FSIP1: variants seen among roughly 807,000 people sequenced by gnomAD.
FSIP1 encodes fibrous sheath interacting protein 1, also known as fibrous sheath-interacting protein 1.
Under a neutral mutation model 60.9 loss-of-function variants are expected in FSIP1, and 65 were observed. The observed-to-expected ratio is 1.07, with a 90% confidence interval of 0.87 to 1.31. The LOEUF is 1.31. Among genes scored for constraint, FSIP1 ranks in the 40% most tolerant of loss-of-function variants. The pLI is 0.00. For missense variants in FSIP1, 675 were observed against 665.5 expected, an observed-to-expected ratio of 1.01 and a Z score of -0.16; for synonymous variants, 209 against 221.2, an observed-to-expected ratio of 0.94 and a Z score of 0.49.
intron 5 of FSIP1, among the ~76,000 whole-genome samples, chr15:39,760,699 T>C (rs1897466388): frequency 6.6e-6 from 1 of 151,994 alleles, no homozygotes; most frequent in African/African-American, 2.4e-5. Flanking sequence ...GACAACGAAA[T>C]GTAACATGGG....
intron 9 of FSIP1, among the ~76,000 whole-genome samples, chr15:39,719,060 C>A (rs1323625107): frequency 6.6e-6 from 1 of 152,168 alleles, no homozygotes; most frequent in African/African-American, 2.4e-5. Context: ...CCTCCGATGG[C>A]ATAACCATAT....
At chr15:39,728,830 G>A (rs1033342465) in intron 8 of FSIP1, among the ~76,000 whole-genome samples, 3 of 152,126 alleles carry the variant, frequency 2.0e-5, no homozygotes, top group Admixed American at 2.0e-4. Context: ...ATTACAGAAT[G>A]GGAGAAAATA....
At chr15:39,603,890 G>A (rs78120737) in intron 11 of FSIP1, among the ~76,000 whole-genome samples, 2,409 of 152,194 alleles carry the variant, frequency 0.016, 80 homozygotes, top group African/African-American at 0.055. Flanking sequence ...AATCACCTGC[G>A]GGGTATCTTA....
At chr15:39,615,806 G>C (rs1385939922) in intron 11 of FSIP1, among the ~76,000 whole-genome samples, 1 of 151,394 alleles carries the variant, frequency 6.6e-6, no homozygotes, top group Non-Finnish European at 1.5e-5. Context: ...GATGAAGAGG[G>C]GGAAAAAGGG....
intron 5 of FSIP1, among the ~76,000 whole-genome samples, chr15:39,746,786 T>G (rs929648905): frequency 6.6e-6 from 1 of 151,540 alleles, no homozygotes; most frequent in African/African-American, 2.4e-5. Context: ...AAAGAACTGA[T>G]GAATATAAAA....
In FSIP1 at chr15:39,610,496, T is replaced by C. The variant is rs190637779; in HGVS notation, c.1699+7239A>G. On this transcript the variant is annotated intron_variant, in intron 11 of 11. Coordinates refer to ENST00000350221, the MANE Select transcript of FSIP1 (RefSeq NM_152597.5). ...GCCTGGCCAATATGGTGAAACCCCA[T>C]CTCTGCTAAAAATACAAAAATTTGC... is the stretch of plus-strand genomic sequence containing the variant. 5.4e-3 allele frequency among the ~76,000 whole-genome samples: 815 copies of C among 152,216 alleles called. 10 individuals carry two copies. Among genetic ancestry groups the C allele is most frequent in the African/African-American group, 0.018 (757 of 41,534 alleles).
chr15:39,660,832 G>A (rs1456529725), intron 10 of FSIP1, among the ~76,000 whole-genome samples: 1 of 152,208 alleles, frequency 6.6e-6, no homozygotes, highest in African/African-American at 2.4e-5. Context: ...GGAGGTTGAG[G>A]CAGGTGGATT....
At chr15:39,765,842 T>G (rs1897667153) in intron 3 of FSIP1, 96 bp from the exon 4 acceptor site, 1 of 653,926 alleles carries the variant, frequency 1.5e-6, no homozygotes, top group East Asian at 2.9e-5. Flanking sequence ...CAACAAATAT[T>G]TATAGCTGAT....
At chr15:39,620,582 A>C (rs1390254512) in intron 10 of FSIP1, among the ~76,000 whole-genome samples, 1 of 151,736 alleles carries the variant, frequency 6.6e-6, no homozygotes, top group African/African-American at 2.4e-5. Flanking sequence ...TAAAAATAAA[A>C]GTAATTTAAA....
intron 10 of FSIP1, among the ~76,000 whole-genome samples, chr15:39,699,845 T>C (rs1236788710): frequency 6.6e-6 from 1 of 152,194 alleles, no homozygotes; most frequent in Non-Finnish European, 1.5e-5. Context: ...TCACTGCCAC[T>C]AGAAGATATT....
chr15:39,636,172 A>G (rs1168178813), intron 10 of FSIP1, among the ~76,000 whole-genome samples: 2 of 152,242 alleles, frequency 1.3e-5, no homozygotes, highest in Non-Finnish European at 2.9e-5. Context: ...CAACCAGTCA[A>G]GAAAACATAA....
At chr15:39,697,429 A>T (rs1184513025) in intron 10 of FSIP1, among the ~76,000 whole-genome samples, 1 of 152,216 alleles carries the variant, frequency 6.6e-6, no homozygotes, top group Non-Finnish European at 1.5e-5. Flanking sequence ...CCCTTCCAGA[A>T]TACTTAATGT....
chr15:39,749,172 C>G (rs1180665693), intron 5 of FSIP1, among the ~76,000 whole-genome samples: 2 of 150,270 alleles, frequency 1.3e-5, no homozygotes, highest in African/African-American at 4.9e-5. Flanking sequence ...AAAACTTCCC[C>G]GCAAAGAAAA....
At chr15:39,735,807 TA>T (rs545361993) in intron 8 of FSIP1, among the ~76,000 whole-genome samples, 4 of 152,166 alleles carry the variant, frequency 2.6e-5, no homozygotes, top group Non-Finnish European at 5.9e-5. Flanking sequence ...TTTCCTATTT[TA>T]AAATTTTCTT....
At chr15:39,728,933 CACAA>C (rs1896302205) in intron 8 of FSIP1, among the ~76,000 whole-genome samples, 1 of 151,948 alleles carries the variant, frequency 6.6e-6, no homozygotes, top group Non-Finnish European at 1.5e-5. Context: ...AGGCAAAAGA[CACAA>C]ACAGACAATT....
intron 10 of FSIP1, among the ~76,000 whole-genome samples, chr15:39,706,727 C>T (rs1008270120): frequency 6.6e-6 from 1 of 152,156 alleles, no homozygotes; most frequent in Admixed American, 6.5e-5. Flanking sequence ...AATTTCCTTT[C>T]TCCGCCTCCC....
Position 39,763,656 on chromosome 15 carries a change from G to A in FSIP1, c.559+165C>T, listed in dbSNP as rs78490173. On this transcript the variant is annotated intron_variant, in intron 5 of 11. Coordinates refer to ENST00000350221, the MANE Select transcript of FSIP1 (RefSeq NM_152597.5). ...AAGACACCAAAACATACCTAAGCTC[G>A]GAGTAGTTTCATATAATCCTACCTA... Among the ~76,000 whole-genome samples, 968 of 152,198 alleles carry A rather than the reference G, an allele frequency of 6.4e-3. 4 individuals carry two copies. The highest frequency in any genetic ancestry group is 9.4e-3 in the Non-Finnish European group (636 of 68,008).
rs146259930 is a variant in FSIP1, at chr15:39,649,559, A to T, written c.1189-31314T>A. Among the ~76,000 whole-genome samples, 60 of 152,344 alleles carry T rather than the reference A, an allele frequency of 3.9e-4. 1 individual carries two copies. The highest frequency in any genetic ancestry group is 1.4e-3 in the African/African-American group (57 of 41,582). ...TATCTAGGCACATATAAAAATCAAT[A>T]TGTGACCTACTACTACCCAGACAGA... is the stretch of plus-strand genomic sequence containing the variant. On this transcript the variant is annotated intron_variant, in intron 10 of 11. Transcript: ENST00000350221.
At position 39,617,746 on chromosome 15, in the gene FSIP1, T is replaced by C; in HGVS notation, c.1688A>G (p.Asn563Ser). The change falls in exon 11 of 12, where the codon AAT becomes AGT. Residue 563 changes from asparagine to serine, a missense_variant. By Grantham distance (46) the Asn-to-Ser change is conservative. Transcript: ENST00000350221. ...DQHLKLSSPE[N>S]TIADEQETKD... ...TCGCCAAGCCTCACCTGCTATTGTATTCTCTGGAGAACTGAGTTTCAGATG... is the reference window on the plus strand; with the variant it reads ...TCGCCAAGCCTCACCTGCTATTGTACTCTCTGGAGAACTGAGTTTCAGATG... 1 of 1,612,434 alleles carries C rather than the reference T, an allele frequency of 6.2e-7. No homozygotes were observed. Among genetic ancestry groups the C allele is most frequent in the Non-Finnish European group, 8.5e-7 (1 of 1,179,110 alleles).
Sources: allele counts gnomAD v4.1 joint callset (sites outside exome capture counted in the v4.1 genomes callset), GRCh38; gene constraint gnomAD v4.1.1; transcripts MANE v1.5; gene names NCBI Gene and HGNC (gene_info 2026-07-23, HGNC 2026-07-21).